The following WASHC5 variants were observed in gnomAD, a reference collection of about 807,000 sequenced individuals.
The protein encoded by WASHC5 is WASH complex subunit strumpellin.
A neutral mutation model predicts 150.4 loss-of-function variants in WASHC5; 101 were observed. The ratio of observed to expected loss-of-function variants is 0.67; its 90% confidence interval spans 0.57 to 0.79. The LOEUF (loss-of-function observed/expected upper bound fraction) is 0.79. Ranked by LOEUF, WASHC5 falls within the 30% of genes least tolerant of loss-of-function variation. WASHC5 has a pLI of 0.00. For missense variants in WASHC5, 1,195 were observed against 1,396.3 expected, an observed-to-expected ratio of 0.86 and a Z score of 2.30; for synonymous variants, 467 against 491.2, an observed-to-expected ratio of 0.95 and a Z score of 0.65.
Position 125,038,838 on chromosome 8 carries a change from G to T in WASHC5, c.3076C>A (p.Leu1026Met). The change falls in exon 25 of 29, where the codon CTG becomes ATG. Residue 1026 changes from leucine (L) to methionine (M), a missense_variant. This residue lies in a region of WASHC5 where 997 missense variants were observed against 1,168.1 expected (regional missense o/e 0.85). Coordinates refer to ENST00000318410, the MANE Select transcript of WASHC5 (RefSeq NM_014846.4). ...ATATTTTAATTACTCACCTTATTCAGTGGGTTGTGAATGCCAGCTGCCTCC... is the reference window on the plus strand; with the variant it reads ...ATATTTTAATTACTCACCTTATTCATTGGGTTGTGAATGCCAGCTGCCTCC... ...YLEAAGIHNPLNKIYITTKRL... is the reference protein window; with the variant it reads ...YLEAAGIHNPMNKIYITTKRL... 6.2e-7 allele frequency: 1 copy of T among 1,613,964 alleles called. No homozygotes were observed. The highest frequency in any genetic ancestry group is 8.5e-7 in the Non-Finnish European group (1 of 1,179,902).
intron 1 of WASHC5, among the ~76,000 whole-genome samples, chr8:125,085,053 A>G (rs34128040): frequency 0.045 from 6,898 of 152,276 alleles, 222 homozygotes; most frequent in Non-Finnish European, 0.071. Context: ...CTTGGCACTG[A>G]CAAGTATAAG....
At chr8:125,084,871 T>C (rs1030874716) in intron 1 of WASHC5, among the ~76,000 whole-genome samples, 2 of 152,206 alleles carry the variant, frequency 1.3e-5, no homozygotes, top group African/African-American at 4.8e-5. Context: ...TTCTGGTAAG[T>C]AGGTTAGAGG....
chr8:125,030,795 A>T (rs761031069), intron 27 of WASHC5, among the ~76,000 whole-genome samples: 18 of 152,290 alleles, frequency 1.2e-4, no homozygotes, highest in Admixed American at 3.3e-4. Context: ...CCACATTTTA[A>T]GATGGTCAAA....
intron 12 of WASHC5, 23 bp from the exon 13 acceptor site, chr8:125,059,565 A>G: frequency 2.5e-6 from 4 of 1,599,596 alleles, no homozygotes; most frequent in Non-Finnish European, 3.4e-6. Context: ...AATATACTTA[A>G]TTTAAAAATC....
intron 12 of WASHC5, 78 bp from the exon 13 acceptor site, chr8:125,059,620 A>G (rs946697498): frequency 1.3e-5 from 13 of 1,028,980 alleles, no homozygotes; most frequent in Non-Finnish European, 1.9e-5. Context: ...AAACACTTCA[A>G]ATAAAGCACA....
intron 17 of WASHC5, among the ~76,000 whole-genome samples, chr8:125,052,589 T>C (rs542125515): frequency 7.4e-5 from 10 of 136,030 alleles, no homozygotes; most frequent in Non-Finnish European, 1.6e-5. Context: ...CATAGTTGCA[T>C]GCATGTATAT....
intron 15 of WASHC5, among the ~76,000 whole-genome samples, chr8:125,057,289 A>C (rs1394131200): frequency 1.3e-5 from 2 of 152,208 alleles, no homozygotes; most frequent in Non-Finnish European, 1.5e-5. Context: ...AGAAACTATT[A>C]TAATCTCTGT....
At position 125,037,285 on chromosome 8, in the gene WASHC5, G is replaced by C. The variant is rs1815740512; in HGVS notation, c.3133C>G (p.Leu1045Val). The stretch of plus-strand genomic sequence containing the variant: ...TTTGGCAACTGAGCGATCAAAAATA[G>C]AAAGTTTACAATTGGAAAATAGGGT... ...RLPYFPIVNF[L>V]FLIAQLPKLQ... The change falls in exon 26 of 29, where the codon CTA becomes GTA. Residue 1045 changes from leucine to valine, a missense_variant. Around this residue, in one of 3 missense-constraint regions of WASHC5, gnomAD observed 997 missense variants for 1,168.1 expected, o/e 0.85. Transcript: ENST00000318410. The C allele has an allele frequency of 6.2e-7, 1 of 1,612,754 alleles. No individual in the cohort carries two copies. Among genetic ancestry groups the C allele is most frequent in the East Asian group, 2.2e-5 (1 of 44,794 alleles).
At chr8:125,043,226 A>G (rs1815947782) in intron 23 of WASHC5, among the ~76,000 whole-genome samples, 1 of 152,252 alleles carries the variant, frequency 6.6e-6, no homozygotes, top group Non-Finnish European at 1.5e-5. Context: ...GAAGACTCGC[A>G]GAAGATGCAG....
intron 17 of WASHC5, among the ~76,000 whole-genome samples, chr8:125,051,677 C>T (rs1311024662): frequency 6.6e-6 from 1 of 152,232 alleles, no homozygotes; most frequent in Non-Finnish European, 1.5e-5. Context: ...CACCCAAGGT[C>T]AGGAGTTCCA....
rs764889242 is a variant in WASHC5, at chr8:125,056,803, G to GA, written c.1889dup (p.Glu632ArgfsTer20). ...GAAGAGATGTAAACATGCTTTCTGG[G>GA]ATGATCTGCAAAACCTTCAGTGAAA... On this transcript the variant is annotated frameshift_variant, in exon 16 of 29. Transcript: ENST00000318410. LOFTEE classifies it high-confidence loss of function. 6.2e-7 allele frequency: 1 copy of GA among 1,614,152 alleles called. No homozygotes were observed. Among genetic ancestry groups the GA allele is most frequent in the Non-Finnish European group, 8.5e-7 (1 of 1,180,010 alleles).
At chr8:125,048,075 C>T (rs1206420653) in intron 19 of WASHC5, among the ~76,000 whole-genome samples, 2 of 152,124 alleles carry the variant, frequency 1.3e-5, no homozygotes, top group African/African-American at 4.8e-5. Context: ...AGAAATACCA[C>T]ATATAACATT....
intron 27 of WASHC5, among the ~76,000 whole-genome samples, chr8:125,031,465 G>T (rs976154445): frequency 1.3e-5 from 2 of 152,064 alleles, no homozygotes; most frequent in African/African-American, 4.8e-5. Context: ...TTTTAGTAGA[G>T]ATGGGGTTTC....
intron 17 of WASHC5, among the ~76,000 whole-genome samples, chr8:125,052,849 T>G (rs568766278): frequency 1.3e-5 from 2 of 152,284 alleles, no homozygotes; most frequent in Admixed American, 1.3e-4. Context: ...CGTCGTAAGT[T>G]GAAAATATCA....
chr8:125,044,905 T>G (rs1438169014), intron 20 of WASHC5: 3 of 615,112 alleles, frequency 4.9e-6, no homozygotes, highest in African/African-American at 3.7e-5. Context: ...GACCCCCTTT[T>G]CCTGCCCTAT....
At position 125,032,264 on chromosome 8, in the gene WASHC5, G is replaced by T; in HGVS notation, c.3312C>A (p.Cys1104Ter). ...ACCTTGTACACTGCTCCACCGTGGAGCAGATAAACTGGCCAATCAGCGCCA... is the reference window on the plus strand; with the variant it reads ...ACCTTGTACACTGCTCCACCGTGGATCAGATAAACTGGCCAATCAGCGCCA... ...QFLALIGQFI[C>*]STVEQCTSQK... Residue 1104 changes from cysteine to a stop codon, truncating the protein, a stop_gained, in exon 27 of 29, where the codon TGC (cysteine) becomes TGA (stop). Transcript: ENST00000318410. LOFTEE classifies it high-confidence loss of function. The T allele has an allele frequency of 6.2e-7, 1 of 1,614,186 alleles. No individual in the cohort carries two copies. Among genetic ancestry groups the T allele is most frequent in the Non-Finnish European group, 8.5e-7 (1 of 1,180,020 alleles).
At chr8:125,089,844 C>T (rs1347872225) in intron 1 of WASHC5, among the ~76,000 whole-genome samples, 3 of 152,146 alleles carry the variant, frequency 2.0e-5, no homozygotes, top group Non-Finnish European at 4.4e-5. Flanking sequence ...ATAATAATAA[C>T]CAAATATGTT....
At chr8:125,077,158 G>C (rs11996035) in intron 6 of WASHC5, among the ~76,000 whole-genome samples, 16,785 of 152,182 alleles carry the variant, frequency 0.11, 2,168 homozygotes, top group African/African-American at 0.31. Flanking sequence ...ATATCACCTT[G>C]AGCTACCACA....
Position 125,050,615 on chromosome 8 carries a change from C to T in WASHC5, c.2148G>A (p.Lys716=). The stretch of plus-strand genomic sequence containing the variant: ...CCCTATGCAGGGCAAAGGCAACGCG[C>T]TTCACAAGCTCTTTCCTTATTCCAT... The part of the protein sequence containing the change: ...LEDGIRKELV[K]RVAFALHRGL... Residue 716 remains lysine, a synonymous_variant, in exon 18 of 29, where the codon AAG becomes AAA. Coordinates refer to ENST00000318410, the MANE Select transcript of WASHC5 (RefSeq NM_014846.4). 2 of 1,614,190 alleles carry T rather than the reference C, an allele frequency of 1.2e-6. No individual in the cohort carries two copies. Among genetic ancestry groups the T allele is most frequent in the South Asian group, 1.1e-5 (1 of 91,084 alleles).
Sources: gnomAD v4.1 joint callset for allele counts (sites outside exome capture counted in the v4.1 genomes callset) on GRCh38, gnomAD v4.1.1 for gene constraint, gnomAD v4.1.1 regional missense constraint, MANE v1.5 for transcripts, NCBI Gene and HGNC (gene_info 2026-07-23, HGNC 2026-07-21) for gene names.